ATRX: variants seen among roughly 807,000 people sequenced by gnomAD.
ATRX encodes the protein chromatin remodeler ATRX.
ATRX carries 12 observed loss-of-function variants against 172.6 expected under a neutral mutation model. The observed-to-expected ratio is 0.07, with a 90% CI of 0.04 to 0.11. The LOEUF (loss-of-function observed/expected upper bound fraction) is 0.11, where lower values mean the gene tolerates loss of function less well. Among genes scored for constraint, ATRX ranks in the 10% least tolerant of loss-of-function variants. ATRX has a pLI of 1.00. For missense variants in ATRX, 1,368 were observed against 1,767.4 expected (o/e 0.77, Z 4.05); for synonymous variants, 674 against 594.7 (o/e 1.13, Z -1.94).
intron 1 of ATRX, among the ~76,000 whole-genome samples, chrX:77,744,412 A>G (rs1183841529): frequency 8.9e-6 from 1 of 112,224 alleles, no homozygotes; most frequent in African/African-American, 3.2e-5. Context: ...TCACCATGAA[A>G]GTAAATTCAA....
intron 27 of ATRX, among the ~76,000 whole-genome samples, chrX:77,577,983 A>T: frequency 8.9e-6 from 1 of 111,878 alleles, no homozygotes; most frequent in South Asian, 3.7e-4. Context: ...TGCCACTGCT[A>T]CCTCAACCCC....
At position 77,594,157 on chromosome X, in the gene ATRX, C is replaced by T. The variant is rs186572981; in HGVS notation, c.5957-308G>A. 2.3e-4 allele frequency: 42 copies of T among 181,803 alleles called. 1 individual carries two copies. In the Admixed American group the frequency reaches 2.6e-3, roughly 11 times the overall value. The allele number at this position is 181,803 out of a possible 1,213,427, so 15.0% of individuals were successfully genotyped here. ...ACAAACCCTCGGGGTAGGAGTGGAG[C>T]TCAGAAAGACAGAGACCCAAAGAGA... is the stretch of plus-strand genomic sequence containing the variant. On this transcript the variant is annotated intron_variant, in intron 25 of 34. Transcript: ENST00000373344.
At chrX:77,702,725 A>G (rs782367757) in intron 2 of ATRX, among the ~76,000 whole-genome samples, 1 of 111,635 alleles carries the variant, frequency 9.0e-6, no homozygotes, top group South Asian at 3.8e-4. Flanking sequence ...GAATTAGAAG[A>G]TAACATTTTT....
chrX:77,672,251 T>C (rs1264662604), intron 10 of ATRX, among the ~76,000 whole-genome samples: 9 of 111,220 alleles, frequency 8.1e-5, no homozygotes, highest in Admixed American at 1.9e-4. Flanking sequence ...AAAAAAATTA[T>C]TCCAAATTTA....
intron 1 of ATRX, among the ~76,000 whole-genome samples, chrX:77,723,406 G>A (rs2073875714): frequency 9.0e-6 from 1 of 111,565 alleles, no homozygotes; most frequent in South Asian, 3.8e-4. Flanking sequence ...ATTTAGTTAA[G>A]AATAGCTCAG....
chrX:77,769,511 A>T (rs1207480967), intron 1 of ATRX, among the ~76,000 whole-genome samples: 1 of 110,671 alleles, frequency 9.0e-6, no homozygotes, highest in Non-Finnish European at 1.9e-5. Context: ...CTGGTCTTGA[A>T]ATCTGACCTC....
At chrX:77,579,379 A>C (rs2148040562) in intron 27 of ATRX, among the ~76,000 whole-genome samples, 1 of 111,582 alleles carries the variant, frequency 9.0e-6, no homozygotes, top group African/African-American at 3.3e-5. Flanking sequence ...CAAGTGCTAT[A>C]CCCGCAGTGG....
chrX:77,747,480 C>T (rs559503457), intron 1 of ATRX, among the ~76,000 whole-genome samples: 6 of 111,232 alleles, frequency 5.4e-5, no homozygotes, highest in East Asian at 5.7e-4. Context: ...GCTGAGACTG[C>T]GCTACTGCAC....
chrX:77,728,764 C>CTT (rs200509557), intron 1 of ATRX, among the ~76,000 whole-genome samples: 81 of 94,033 alleles, frequency 8.6e-4, no homozygotes, highest in African/African-American at 1.2e-3. Flanking sequence ...CTTTTCTTTT[C>CTT]TTTTTTTTTT....
Position 77,683,899 on chromosome X carries a change from C to T in ATRX, c.1357G>A (p.Glu453Lys), listed in dbSNP as rs2148624684. 1 of 1,209,445 alleles carries T rather than the reference C, an allele frequency of 8.3e-7. No homozygotes were observed. The change falls in exon 9 of 35, where the codon GAA (glutamate) becomes AAA (lysine). Residue 453 changes from glutamate (E) to lysine (K), a missense_variant. Glu to Lys is a moderately conservative substitution (Grantham distance 56). Coordinates refer to ENST00000373344, the MANE Select transcript of ATRX (RefSeq NM_000489.6). ...ARKGEKPCAL[E>K]KKDISKSEAK... The stretch of plus-strand genomic sequence containing the variant: ...TCTGACTTTGAAATATCCTTCTTTT[C>T]CAAAGCACAAGGTTTTTCTCCTTTT...
chrX:77,583,983 T>C (rs2065919852), intron 27 of ATRX, among the ~76,000 whole-genome samples: 1 of 111,960 alleles, frequency 8.9e-6, no homozygotes, highest in South Asian at 3.7e-4. Context: ...ATCAGTAGCA[T>C]TTCTATATAC....
chrX:77,695,859 G>C (rs1242622731), intron 5 of ATRX, among the ~76,000 whole-genome samples: 1 of 111,123 alleles, frequency 9.0e-6, no homozygotes, highest in Non-Finnish European at 1.9e-5. Context: ...GAATGAATTT[G>C]AAAAATGTGC....
At chrX:77,781,276 A>G (rs1248883396) in intron 1 of ATRX, among the ~76,000 whole-genome samples, 1 of 110,027 alleles carries the variant, frequency 9.1e-6, no homozygotes, top group African/African-American at 3.3e-5. Context: ...CCCTGTCTGT[A>G]CTAAAAATAC....
At chrX:77,608,368 CAAAAA>C (rs782356472) in intron 22 of ATRX, among the ~76,000 whole-genome samples, 2 of 37,837 alleles carry the variant, frequency 5.3e-5, no homozygotes, top group Non-Finnish European at 5.5e-5. Context: ...GACCCCGTCT[CAAAAA>C]AAAAAAAAAA....
At chrX:77,541,208 GA>G (rs2063977970) in intron 30 of ATRX, among the ~76,000 whole-genome samples, 1 of 112,224 alleles carries the variant, frequency 8.9e-6, no homozygotes, top group Admixed American at 9.5e-5. Context: ...AAATAAACTA[GA>G]AAATCTAGAA....
intron 1 of ATRX, among the ~76,000 whole-genome samples, chrX:77,742,997 C>T (rs1398719784): frequency 9.0e-6 from 1 of 111,051 alleles, no homozygotes; most frequent in Non-Finnish European, 1.9e-5. Flanking sequence ...ATTAGGGAAA[C>T]TTGGGCTGCT....
At chrX:77,761,936 C>A (rs1303959172) in intron 1 of ATRX, among the ~76,000 whole-genome samples, 5 of 111,260 alleles carry the variant, frequency 4.5e-5, no homozygotes, top group African/African-American at 1.6e-4. Flanking sequence ...ACTTCACTTG[C>A]CATAATGTCC....
chrX:77,566,126 C>T (rs984612677), intron 28 of ATRX, among the ~76,000 whole-genome samples: 2 of 111,094 alleles, frequency 1.8e-5, no homozygotes, highest in Non-Finnish European at 3.8e-5. Context: ...TGAAAATTAC[C>T]AAAATGTATT....
chrX:77,772,941 G>A (rs1603340663), intron 1 of ATRX, among the ~76,000 whole-genome samples: 1 of 102,712 alleles, frequency 9.7e-6, no homozygotes, highest in East Asian at 3.0e-4. Context: ...TCAGACTCCT[G>A]TGCTCAAAGG....
Sources: gnomAD v4.1 joint callset for allele counts (sites outside exome capture counted in the v4.1 genomes callset) on GRCh38, gnomAD v4.1.1 for gene constraint, MANE v1.5 for transcripts, NCBI Gene and HGNC (gene_info 2026-07-23, HGNC 2026-07-21) for gene names.